Variants in ETFB observed in about 807,000 individuals in gnomAD.
ETFB encodes the protein electron transfer flavoprotein subunit beta.
ETFB carries 20 observed loss-of-function variants against 25.6 expected under a neutral mutation model. The ratio of observed to expected loss-of-function variants is 0.78; its 90% CI spans 0.55 to 1.14. The LOEUF is 1.14. Among genes scored for constraint, ETFB ranks in the 50% most tolerant of loss-of-function variants. The pLI, the probability that ETFB is intolerant of heterozygous loss-of-function variation, is 0.00. For missense variants in ETFB, 286 were observed against 342.6 expected, an observed-to-expected ratio of 0.83 and a Z score of 1.30; for synonymous variants, 142 against 146.7, an observed-to-expected ratio of 0.97 and a Z score of 0.23.
intron 1 of ETFB, among the ~76,000 whole-genome samples, chr19:51,357,351 G>A (rs1001001839): frequency 7.0e-6 from 1 of 143,034 alleles, no homozygotes; most frequent in Non-Finnish European, 1.6e-5. Context: ...TGGGATTACA[G>A]GCATAAGCCA....
chr19:51,357,303 A>T (rs1387877950), intron 1 of ETFB, among the ~76,000 whole-genome samples: 1 of 141,256 alleles, frequency 7.1e-6, no homozygotes, highest in Non-Finnish European at 1.6e-5. Flanking sequence ...TGAACTCCTG[A>T]CCTCAGGTGA....
At chr19:51,354,405 G>A (rs978749081) in intron 1 of ETFB, 97 bp from the exon 2 acceptor site, 42 of 1,613,816 alleles carry the variant, frequency 2.6e-5, no homozygotes, top group Non-Finnish European at 3.0e-5. Flanking sequence ...TGAGGACAAC[G>A]ACAGCCTGGA....
intron 1 of ETFB, among the ~76,000 whole-genome samples, chr19:51,360,174 G>A (rs1986186940): frequency 6.6e-6 from 1 of 152,084 alleles, no homozygotes. Context: ...GGCTGAGGTG[G>A]GTGGATCACT....
chr19:51,353,009 C>G (rs909026779), intron 3 of ETFB, 123 bp downstream of exon 3: 1 of 1,207,496 alleles, frequency 8.3e-7, no homozygotes, highest in Non-Finnish European at 1.2e-6. Flanking sequence ...AAGTCCCAAG[C>G]TGCTCAGCCT....
In ETFB at chr19:51,345,381, T is replaced by C. The variant is rs920672041; in HGVS notation, c.598A>G (p.Lys200Glu). ...ACCTCGATCTTCTTCTTCTTGGCTT[T>C]CTGCACATGGGAAGCCATTGTTCAC... ...PRYATLPNIM[K>E]AKKKKIEVIK... Residue 200 changes from lysine (K) to glutamate (E), a missense_variant and splice_region_variant, in exon 6 of 6, where the codon AAA (lysine) becomes GAA (glutamate). Transcript: ENST00000309244. 33 of 1,613,912 alleles carry C rather than the reference T, an allele frequency of 2.0e-5. 1 individual carries two copies. The Middle Eastern group carries it at 6.6e-4, about 32-fold the overall frequency.
rs571183744 is a variant in ETFB, at chr19:51,361,257, C to T, written c.57+5013G>A. ...AAGAGGGATTTTATAAAGTGATTTT[C>T]GACAGCTCTTCCTGAACCCCTGACA... On this transcript the variant is annotated intron_variant, in intron 1 of 5. Coordinates refer to ENST00000309244, the MANE Select transcript of ETFB (RefSeq NM_001985.3). Among the ~76,000 whole-genome samples the T allele has an allele frequency of 5.3e-5, 8 of 152,208 alleles. No individual in the cohort carries two copies. In the South Asian group the frequency reaches 6.2e-4, roughly 12 times the overall value.
At position 51,358,835 on chromosome 19, in the gene ETFB, A is replaced by ACAAC. The variant is rs1192678258; in HGVS notation, c.58-4528_58-4527insGTTG. On this transcript the variant is annotated intron_variant, in intron 1 of 5. Transcript: ENST00000309244. The stretch of plus-strand genomic sequence containing the variant: ...AAACAAACAAACAAACAACAACAAA[A>ACAAC]AAAAAAAAAAAAAAACAGCCAGGTA... Among the ~76,000 whole-genome samples, 440 of 147,582 alleles carry ACAAC rather than the reference A, an allele frequency of 3.0e-3. 3 individuals carry two copies. The highest frequency in any genetic ancestry group is 0.011 in the African/African-American group (427 of 39,572).
At chr19:51,358,787 C>T (rs1006235971) in intron 1 of ETFB, among the ~76,000 whole-genome samples, 13 of 150,562 alleles carry the variant, frequency 8.6e-5, no homozygotes, top group Non-Finnish European at 7.4e-5. Context: ...CCAGCCTGGG[C>T]GACAGAGCAA....
chr19:51,360,408 A>G (rs903573226), intron 1 of ETFB, among the ~76,000 whole-genome samples: 1 of 152,012 alleles, frequency 6.6e-6, no homozygotes, highest in Non-Finnish European at 1.5e-5. Flanking sequence ...CTCAAAAAAA[A>G]AAAAAGAAAA....
chr19:51,348,849 ATT>A, intron 4 of ETFB, among the ~76,000 whole-genome samples: 1 of 152,258 alleles, frequency 6.6e-6, no homozygotes, highest in Admixed American at 6.5e-5. Context: ...TCTCATAGAA[ATT>A]TAGCACCTGA....
intron 1 of ETFB, among the ~76,000 whole-genome samples, chr19:51,358,082 G>C (rs1454776655): frequency 6.6e-6 from 1 of 152,208 alleles, no homozygotes; most frequent in East Asian, 1.9e-4. Context: ...AAAGCCTCCA[G>C]GGACATCCAC....
intron 1 of ETFB, 74 bp downstream of exon 1, chr19:51,366,196 C>A (rs1256786661): frequency 4.2e-6 from 6 of 1,443,678 alleles, no homozygotes; most frequent in Non-Finnish European, 4.9e-6. Flanking sequence ...AAGACCCCCA[C>A]CCAGTGTGCG....
At chr19:51,350,296 G>C (rs1218363323) in intron 4 of ETFB, 33 bp downstream of exon 4, 1 of 1,599,382 alleles carries the variant, frequency 6.3e-7, no homozygotes, top group Non-Finnish European at 8.5e-7. Context: ...TGAGGGCCTG[G>C]CCCTCAGCAG....
At chr19:51,346,877 G>C in intron 5 of ETFB, 23 bp downstream of exon 5, 1 of 1,543,752 alleles carries the variant, frequency 6.5e-7, no homozygotes, top group Non-Finnish European at 8.7e-7. Context: ...CAGGCCCTCA[G>C]TGCCCGCTGG....
rs765068707 is a variant in ETFB, at chr19:51,345,376, G to A, written c.603C>T (p.Ala201=). The A allele has an allele frequency of 3.7e-6, 6 of 1,614,034 alleles. No individual in the cohort carries two copies. The South Asian group carries it at 5.5e-5, about 15-fold the overall frequency. The change falls in exon 6 of 6, where the codon GCC becomes GCT. Residue 201 remains alanine (A), a synonymous_variant. Transcript: ENST00000309244. ...RYATLPNIMK[A]KKKKIEVIKP... ...TGATCACCTCGATCTTCTTCTTCTT[G>A]GCTTTCTGCACATGGGAAGCCATTG...
chr19:51,360,710 T>G (rs78234629), intron 1 of ETFB, among the ~76,000 whole-genome samples: 4,414 of 152,306 alleles, frequency 0.029, 231 homozygotes, highest in African/African-American at 0.1. Flanking sequence ...AGTCTTCCTA[T>G]TTGTTGTCCA....
At chr19:51,351,844 C>A (rs570836017) in intron 3 of ETFB, among the ~76,000 whole-genome samples, 1 of 152,256 alleles carries the variant, frequency 6.6e-6, no homozygotes, top group African/African-American at 2.4e-5. Context: ...GGGGCCCCAG[C>A]TCTACCTGAG....
intron 1 of ETFB, among the ~76,000 whole-genome samples, chr19:51,360,861 C>G (rs993987042): frequency 7.2e-5 from 11 of 152,106 alleles, no homozygotes; most frequent in African/African-American, 2.7e-4. Context: ...TCTTGGCTCA[C>G]TGCAAACTCC....
intron 3 of ETFB, among the ~76,000 whole-genome samples, chr19:51,350,896 G>A (rs1212702879): frequency 6.6e-6 from 1 of 152,246 alleles, no homozygotes; most frequent in Non-Finnish European, 1.5e-5. Flanking sequence ...TAAATAATAT[G>A]TAAATGAATG....
Sources: allele counts gnomAD v4.1 joint callset (sites outside exome capture counted in the v4.1 genomes callset), GRCh38; gene constraint gnomAD v4.1.1; transcripts MANE v1.5; gene names NCBI Gene and HGNC (gene_info 2026-07-23, HGNC 2026-07-21).